Variants in AGBL4 observed in about 807,000 individuals in gnomAD.
The protein encoded by AGBL4 is cytosolic carboxypeptidase 6.
In AGBL4, 58 loss-of-function variants were observed where a neutral mutation model predicts 66.4. The observed-to-expected ratio is 0.87, with a 90% confidence interval of 0.71 to 1.09. The LOEUF (loss-of-function observed/expected upper bound fraction) is 1.09. Among genes scored for constraint, AGBL4 ranks in the 50% least tolerant of loss-of-function variants. The pLI, the probability that AGBL4 is intolerant of heterozygous loss-of-function variation, is 0.00. For missense variants in AGBL4, 579 were observed against 631.0 expected (o/e 0.92, Z 0.88); for synonymous variants, 234 against 222.9 (o/e 1.05, Z -0.44).
At chr1:49,594,883 C>T (rs1441289876) in intron 3 of AGBL4, among the ~76,000 whole-genome samples, 3 of 152,150 alleles carry the variant, frequency 2.0e-5, no homozygotes, top group Non-Finnish European at 2.9e-5. Context: ...TATATACCCA[C>T]CCAGTAATGG....
intron 4 of AGBL4, among the ~76,000 whole-genome samples, chr1:49,071,342 T>C (rs1019573020): frequency 5.3e-5 from 8 of 152,004 alleles, no homozygotes; most frequent in African/African-American, 1.9e-4. Context: ...TGTTAGGGTG[T>C]CAATTTTAGA....
intron 4 of AGBL4, among the ~76,000 whole-genome samples, chr1:49,213,332 A>G (rs547275461): frequency 9.9e-5 from 15 of 152,232 alleles, no homozygotes; most frequent in Non-Finnish European, 1.9e-4. Flanking sequence ...GTTTGAATAT[A>G]CATGCCTGCC....
intron 4 of AGBL4, among the ~76,000 whole-genome samples, chr1:49,245,257 TACACACACACAC>T (rs139244286): frequency 8.6e-5 from 12 of 139,142 alleles, no homozygotes; most frequent in African/African-American, 1.6e-4. Flanking sequence ...AACTTTAAAA[TACACACACACAC>T]ACACACACAC....
intron 2 of AGBL4, among the ~76,000 whole-genome samples, chr1:49,851,042 A>T (rs1159851735): frequency 6.6e-6 from 1 of 152,136 alleles, no homozygotes; most frequent in Non-Finnish European, 1.5e-5. Flanking sequence ...TTCTACTGTA[A>T]GCATGTCATA....
chr1:50,023,780 T>A lies in AGBL4; in HGVS notation c.17A>T (p.Gln6Leu). 1.9e-6 allele frequency: 3 copies of A among 1,549,584 alleles called. No individual in the cohort carries two copies. Among genetic ancestry groups the A allele is most frequent in the Non-Finnish European group, 2.6e-6 (3 of 1,146,134 alleles). ...CCACAGACCTGCCTCAGGCGCCGAC[T>A]GGCTCCCCTCCGCCATTTTTGTTGT... is the stretch of plus-strand genomic sequence containing the variant. The part of the protein sequence containing the change: MAEGS[Q>L]SAPEAGNDMG... Residue 6 changes from glutamine (Q) to leucine (L), a missense_variant, in exon 1 of 14, where the codon CAG becomes CTG. Coordinates refer to ENST00000371839, the MANE Select transcript of AGBL4 (RefSeq NM_032785.4).
At chr1:49,384,885 CT>C (rs1321579651) in intron 3 of AGBL4, among the ~76,000 whole-genome samples, 1 of 152,170 alleles carries the variant, frequency 6.6e-6, no homozygotes, top group Non-Finnish European at 1.5e-5. Flanking sequence ...AAAGAAGGAT[CT>C]CAAAGAATTA....
chr1:48,889,909 C>A (rs1440647388), intron 5 of AGBL4, among the ~76,000 whole-genome samples: 1 of 151,940 alleles, frequency 6.6e-6, no homozygotes, highest in Non-Finnish European at 1.5e-5. Context: ...TGGCAGAGAA[C>A]TTCTGAGAAC....
At chr1:49,618,348 A>AAAAGCCCAGGACCAGACAGATTCACAGGC (rs1645290065) in intron 3 of AGBL4, among the ~76,000 whole-genome samples, 1 of 150,874 alleles carries the variant, frequency 6.6e-6, no homozygotes, top group Non-Finnish European at 1.5e-5. Context: ...AATGATGTAT[A>AAAAGCCCAGGACCAGACAGATTCACAGGC]ATCCTTTGGG....
At chr1:49,232,816 T>G (rs1290171711) in intron 4 of AGBL4, among the ~76,000 whole-genome samples, 1 of 151,808 alleles carries the variant, frequency 6.6e-6, no homozygotes, top group Non-Finnish European at 1.5e-5. Flanking sequence ...TATTTAGTTT[T>G]AAATATTTTG....
chr1:49,172,276 C>A (rs1646752948), intron 4 of AGBL4, among the ~76,000 whole-genome samples: 1 of 152,160 alleles, frequency 6.6e-6, no homozygotes, highest in African/African-American at 2.4e-5. Context: ...AAGAAAATCA[C>A]AATTTTGCAG....
chr1:49,890,662 G>C (rs1648554487), intron 1 of AGBL4, among the ~76,000 whole-genome samples: 1 of 152,168 alleles, frequency 6.6e-6, no homozygotes, highest in Admixed American at 6.5e-5. Flanking sequence ...TCATGTGACG[G>C]AACTCTAGGC....
At position 50,023,630 on chromosome 1, in the gene AGBL4, G is replaced by A. The variant is rs140319795; in HGVS notation, c.34+133C>T. Reference sequence around the variant, plus strand: ...CACGCCACCCTTGACCCCTGACCCTGAAGTCATAACCCACCGCGCAAATAT... The same window carrying A: ...CACGCCACCCTTGACCCCTGACCCTAAAGTCATAACCCACCGCGCAAATAT... On this transcript the variant is annotated intron_variant, in intron 1 of 13. Coordinates refer to ENST00000371839, the MANE Select transcript of AGBL4 (RefSeq NM_032785.4). 7.9e-3 allele frequency: 8,991 copies of A among 1,136,748 alleles called. 73 individuals are homozygous for A. The highest frequency in any genetic ancestry group is 0.026 in the East Asian group (857 of 32,456). The allele number at this position is 1,136,748 out of a possible 1,614,324, so 70.4% of individuals were successfully genotyped here.
At chr1:49,546,872 T>C (rs1652534312) in intron 3 of AGBL4, among the ~76,000 whole-genome samples, 1 of 152,200 alleles carries the variant, frequency 6.6e-6, no homozygotes, top group African/African-American at 2.4e-5. Flanking sequence ...TCTTATTGAT[T>C]TGTTTGAGTT....
chr1:49,477,443 G>C (rs1646869378), intron 3 of AGBL4, among the ~76,000 whole-genome samples: 1 of 152,084 alleles, frequency 6.6e-6, no homozygotes, highest in South Asian at 2.1e-4. Context: ...ATCCAGAAAA[G>C]TCTTTTGGAT....
In AGBL4 at chr1:48,622,366, A is replaced by T. The variant is rs77576854; in HGVS notation, c.951+12127T>A. On this transcript the variant is annotated intron_variant, in intron 9 of 13. Transcript: ENST00000371839. Reference sequence around the variant, plus strand: ...CACATGGTACCCGGAGCCCTTGTCTATCATTAACATGTGCTACCCTGTGCT... The same window carrying T: ...CACATGGTACCCGGAGCCCTTGTCTTTCATTAACATGTGCTACCCTGTGCT... 6.2e-3 allele frequency among the ~76,000 whole-genome samples: 949 copies of T among 151,924 alleles called. 10 individuals carry two copies. Among genetic ancestry groups the T allele is most frequent in the African/African-American group, 0.02 (847 of 41,376 alleles).
chr1:48,876,613 C>A (rs1391663465), intron 5 of AGBL4, among the ~76,000 whole-genome samples: 1 of 152,130 alleles, frequency 6.6e-6, no homozygotes, highest in Non-Finnish European at 1.5e-5. Context: ...GCAGTGATTA[C>A]CTAACATGTC....
chr1:49,256,611 C>T (rs1473921592), intron 3 of AGBL4, among the ~76,000 whole-genome samples: 1 of 152,108 alleles, frequency 6.6e-6, no homozygotes, highest in African/African-American at 2.4e-5. Context: ...TCACTAAAAA[C>T]CCATTGGAAG....
At chr1:49,325,155 TG>T (rs1645204931) in intron 3 of AGBL4, among the ~76,000 whole-genome samples, 1 of 152,220 alleles carries the variant, frequency 6.6e-6, no homozygotes, top group Admixed American at 6.5e-5. Flanking sequence ...CCCAAGTAGC[TG>T]GGACTACTGG....
intron 3 of AGBL4, among the ~76,000 whole-genome samples, chr1:49,564,678 G>T (rs570119049): frequency 2.6e-5 from 4 of 152,130 alleles, no homozygotes; most frequent in Non-Finnish European, 5.9e-5. Context: ...GAGACAGTTT[G>T]TTATAATTTC....
Sources: gnomAD v4.1 joint callset for allele counts (sites outside exome capture counted in the v4.1 genomes callset) on GRCh38, gnomAD v4.1.1 for gene constraint, MANE v1.5 for transcripts, NCBI Gene and HGNC (gene_info 2026-07-23, HGNC 2026-07-21) for gene names.